RGPD8: variants seen among roughly 807,000 people sequenced by gnomAD.
The protein encoded by RGPD8 is RANBP2 like and GRIP domain containing 8, also known as RANBP2-like and GRIP domain-containing protein 8.
RGPD8 carries 15 observed loss-of-function variants against 89.1 expected under a neutral mutation model. That is an observed-to-expected ratio of 0.17 (90% CI 0.11 to 0.26). RGPD8 has a LOEUF of 0.26. RGPD8 is among the 10% of genes least tolerant of loss of function. RGPD8 has a pLI of 1.00. For missense variants in RGPD8, 178 were observed against 1,179.6 expected, an observed-to-expected ratio of 0.15 and a Z score of 12.44; for synonymous variants, 62 against 420.9, an observed-to-expected ratio of 0.15 and a Z score of 10.44.
intron 20 of RGPD8, among the ~76,000 whole-genome samples, chr2:112,385,032 G>GC (rs1678414670): frequency 1.6e-5 from 2 of 124,082 alleles, no homozygotes; most frequent in African/African-American, 6.2e-5. Context: ...AAATATCCAC[G>GC]CATTTGCAGC....
At chr2:112,411,496 G>T in intron 7 of RGPD8, among the ~76,000 whole-genome samples, 1 of 52,196 alleles carries the variant, frequency 1.9e-5, no homozygotes, top group South Asian at 1.0e-3. Flanking sequence ...GCGTGAACTC[G>T]GGAGGTGGAG....
rs1679286961 is a variant in RGPD8 at position 112,414,034 on chromosome 2, AAT to A, written c.783-1410_783-1409del. On this transcript the variant is annotated intron_variant, in intron 6 of 22. Coordinates refer to ENST00000302558, the MANE Select transcript of RGPD8 (RefSeq NM_001164463.1). ...GTTTTCTAGAGGCTTCATGACATGT[AAT>A]AGTTTTACAGACTGAAAGAGGAAGT... Among the ~76,000 whole-genome samples the A allele has an allele frequency of 4.2e-5, 6 of 141,896 alleles. No individual in the cohort carries two copies. The South Asian group carries it at 1.4e-3, about 32-fold the overall frequency. 93.1% of individuals were successfully genotyped at this position (141,896 alleles called of 152,430 possible).
intron 1 of RGPD8, among the ~76,000 whole-genome samples, chr2:112,430,643 GCTT>G (rs1324351460): frequency 1.4e-5 from 2 of 141,622 alleles, no homozygotes; most frequent in South Asian, 4.4e-4. Context: ...CTCTAAGGTT[GCTT>G]TTTTTTTTTT....
At chr2:112,430,789 C>T (rs1000138102) in intron 1 of RGPD8, among the ~76,000 whole-genome samples, 3 of 149,728 alleles carry the variant, frequency 2.0e-5, no homozygotes, top group East Asian at 2.0e-4. Context: ...GGTAAGACCC[C>T]GTCTCTACAT....
intron 20 of RGPD8, among the ~76,000 whole-genome samples, chr2:112,382,559 TA>T (rs1336091138): frequency 2.2e-4 from 34 of 152,174 alleles, no homozygotes; most frequent in Non-Finnish European, 4.0e-4. Context: ...CTTCCCGGGT[TA>T]CAGTGTGCAT....
Position 112,388,873 on chromosome 2 carries a change from TA to T in RGPD8, c.4071del (p.Phe1357LeufsTer25). 2.0e-6 allele frequency: 1 copy of T among 507,766 alleles called. No homozygotes were observed. Among genetic ancestry groups the T allele is most frequent in the Non-Finnish European group, 3.1e-6 (1 of 318,662 alleles). The allele number at this position is 507,766 out of a possible 1,614,324, so 31.5% of individuals were successfully genotyped here. On this transcript the variant is annotated frameshift_variant, in exon 20 of 23. Coordinates refer to ENST00000302558, the MANE Select transcript of RGPD8 (RefSeq NM_001164463.1). LOFTEE classifies it high-confidence loss of function. ...TATCTGTAGATTTCTGCCCTGTGACTAAAAACAACTTGTTCATTTTCCTCAC... is the reference window on the plus strand; with the variant it reads ...TATCTGTAGATTTCTGCCCTGTGACTAAAACAACTTGTTCATTTTCCTCAC... Reference protein sequence around the residue: ...SSGEENEQVVFSHRAEIYRYD... With the variant: ...SSGEENEQVVXSHRAEIYRYD...
intron 22 of RGPD8, among the ~76,000 whole-genome samples, chr2:112,374,747 T>C (rs80323841): frequency 7.6e-4 from 104 of 136,264 alleles, no homozygotes; most frequent in African/African-American, 2.5e-3. Flanking sequence ...TCTCTCCTTT[T>C]AGAACTTCGA....
intron 1 of RGPD8, 112 bp downstream of exon 1, chr2:112,433,270 A>G: frequency 8.7e-7 from 1 of 1,144,546 alleles, no homozygotes; most frequent in Non-Finnish European, 1.2e-6. Context: ...GCCAGGGAGC[A>G]GCGCCCGTCG....
chr2:112,387,979 AAAAG>A (rs1678524379), intron 20 of RGPD8, 41 bp downstream of exon 20: 1 of 591,082 alleles, frequency 1.7e-6, no homozygotes, highest in Non-Finnish European at 3.0e-6. Flanking sequence ...GCTAAACATT[AAAAG>A]AAAGAAAAAT....
In RGPD8 at chr2:112,427,527, G is replaced by A. The variant is rs569040664; in HGVS notation, c.73-3220C>T. The stretch of plus-strand genomic sequence containing the variant: ...AGAACTGATGCAGGGCTGAAAACAG[G>A]AACAGTAAGACCCTAAGAGATGCCA... On this transcript the variant is annotated intron_variant, in intron 1 of 22. Coordinates refer to ENST00000302558, the MANE Select transcript of RGPD8 (RefSeq NM_001164463.1). Among the ~76,000 whole-genome samples the A allele has an allele frequency of 1.8e-4, 28 of 152,076 alleles. No individual in the cohort carries two copies. The South Asian group carries it at 5.6e-3, about 30-fold the overall frequency.
chr2:112,391,351 TG>T (rs1393926646), intron 18 of RGPD8, among the ~76,000 whole-genome samples: 2 of 147,196 alleles, frequency 1.4e-5, no homozygotes, highest in African/African-American at 4.9e-5. Context: ...AGATAGTAAC[TG>T]TTGCCTTTTC....
chr2:112,412,937 A>C (rs1679244520), intron 6 of RGPD8, among the ~76,000 whole-genome samples: 1 of 149,176 alleles, frequency 6.7e-6, no homozygotes, highest in African/African-American at 2.5e-5. Flanking sequence ...ACCAGGATAA[A>C]GTTGGGAGAC....
At chr2:112,429,933 G>A (rs965237050) in intron 1 of RGPD8, among the ~76,000 whole-genome samples, 3 of 151,902 alleles carry the variant, frequency 2.0e-5, no homozygotes, top group African/African-American at 4.8e-5. Flanking sequence ...TCAGCCTACC[G>A]AGTAGGTGGG....
chr2:112,390,814 T>C (rs1678671818), intron 19 of RGPD8, among the ~76,000 whole-genome samples, 161 bp downstream of exon 19: 1 of 145,748 alleles, frequency 6.9e-6, no homozygotes, highest in African/African-American at 2.5e-5. Flanking sequence ...ATAAGGTGAC[T>C]GAGAAGGATA....
intron 21 of RGPD8, among the ~76,000 whole-genome samples, chr2:112,378,960 T>G (rs1678180206): frequency 2.4e-5 from 1 of 40,886 alleles, no homozygotes; most frequent in Middle Eastern, 5.7e-3. Context: ...CAGCCTCCAC[T>G]AACCCCCTGC....
intron 1 of RGPD8, among the ~76,000 whole-genome samples, chr2:112,427,216 A>G (rs1378935798): frequency 5.9e-5 from 9 of 152,138 alleles, no homozygotes; most frequent in Admixed American, 2.6e-4. Flanking sequence ...AAATAATTCC[A>G]TTACCTTCTT....
At chr2:112,428,927 C>A (rs1031328116) in intron 1 of RGPD8, among the ~76,000 whole-genome samples, 25 of 151,518 alleles carry the variant, frequency 1.6e-4, no homozygotes, top group Non-Finnish European at 3.7e-4. Flanking sequence ...GCACATGTAC[C>A]CTAAAACTTA....
chr2:112,432,046 A>G (rs541841787), intron 1 of RGPD8, among the ~76,000 whole-genome samples: 1 of 152,308 alleles, frequency 6.6e-6, no homozygotes, highest in African/African-American at 2.4e-5. Context: ...ATCAAATTCT[A>G]TCAATGTTAC....
chr2:112,433,128 C>T (rs1680127286), intron 1 of RGPD8, among the ~76,000 whole-genome samples: 1 of 117,542 alleles, frequency 8.5e-6, no homozygotes, highest in African/African-American at 3.1e-5. Context: ...CCCATCGAGG[C>T]CGCCGCCGGG....
Sources: allele counts gnomAD v4.1 joint callset (sites outside exome capture counted in the v4.1 genomes callset), GRCh38; gene constraint gnomAD v4.1.1; transcripts MANE v1.5; gene names NCBI Gene and HGNC (gene_info 2026-07-23, HGNC 2026-07-21).